SYNPR: variants seen among roughly 807,000 people sequenced by gnomAD.
SYNPR encodes synaptoporin.
A neutral mutation model predicts 32.9 loss-of-function variants in SYNPR; 23 were observed. The ratio of observed to expected loss-of-function variants is 0.70; its 90% CI spans 0.50 to 0.99. The LOEUF (loss-of-function observed/expected upper bound fraction) is 0.99. Among genes scored for constraint, SYNPR ranks in the 50% least tolerant of loss-of-function variants. SYNPR has a pLI of 0.00. For missense variants in SYNPR, 318 were observed against 349.3 expected, an observed-to-expected ratio of 0.91 and a Z score of 0.71; for synonymous variants, 146 against 135.9, an observed-to-expected ratio of 1.07 and a Z score of -0.52.
the SYNPR span, among the ~76,000 whole-genome samples, chr3:63,208,922 A>T: frequency 6.6e-6 from 1 of 152,172 alleles, no homozygotes; most frequent in African/African-American, 2.4e-5. Context: ...CAAAGGTTTG[A>T]CTATAGAAAT....
chr3:63,385,888 C>A (rs772633074), intron 2 of SYNPR, among the ~76,000 whole-genome samples: 19 of 152,162 alleles, frequency 1.2e-4, no homozygotes, highest in African/African-American at 3.4e-4. Context: ...AATGGGGGTT[C>A]TAACCTCAGA....
intron 3 of SYNPR, among the ~76,000 whole-genome samples, chr3:63,514,423 T>G (rs1197884184): frequency 1.3e-5 from 2 of 152,200 alleles, no homozygotes; most frequent in Non-Finnish European, 2.9e-5. Flanking sequence ...CTCTGCCTGT[T>G]GTCCCTGCTG....
chr3:63,353,822 G>A (rs903210109), intron 2 of SYNPR, among the ~76,000 whole-genome samples: 1 of 152,138 alleles, frequency 6.6e-6, no homozygotes, highest in Non-Finnish European at 1.5e-5. Flanking sequence ...TCCAATTTTT[G>A]TGTGAATTTT....
intron 3 of SYNPR, among the ~76,000 whole-genome samples, chr3:63,500,642 A>T (rs1701461470): frequency 6.6e-6 from 1 of 152,182 alleles, no homozygotes; most frequent in African/African-American, 2.4e-5. Flanking sequence ...GGCATTTTAA[A>T]ACCAAAAAGA....
At chr3:63,449,819 T>C (rs1204985492) in intron 2 of SYNPR, among the ~76,000 whole-genome samples, 1 of 152,186 alleles carries the variant, frequency 6.6e-6, no homozygotes, top group Non-Finnish European at 1.5e-5. Context: ...GCTTACATTA[T>C]CTCATTTGAT....
Position 63,293,860 on chromosome 3 carries a change from C to T in SYNPR, c.84+15118C>T, listed in dbSNP as rs191962025. Among the ~76,000 whole-genome samples the T allele has an allele frequency of 6.3e-4, 96 of 152,216 alleles. 1 individual carries two copies. The highest frequency in any genetic ancestry group is 5.8e-3 in the South Asian group (28 of 4,824). On this transcript the variant is annotated intron_variant, in intron 2 of 5. Transcript: ENST00000478300. The stretch of plus-strand genomic sequence containing the variant: ...CATATTGAATTAGGGGCCCACTCCA[C>T]TCTAATATGACCTCATCTTAACTAA...
intron 2 of SYNPR, among the ~76,000 whole-genome samples, chr3:63,338,828 C>T (rs931316854): frequency 1.3e-5 from 2 of 152,214 alleles, no homozygotes; most frequent in African/African-American, 4.8e-5. Flanking sequence ...CAGAATCCAG[C>T]AATCCCAACA....
At chr3:63,433,744 C>G (rs978175656) in intron 2 of SYNPR, among the ~76,000 whole-genome samples, 1 of 152,048 alleles carries the variant, frequency 6.6e-6, no homozygotes, top group African/African-American at 2.4e-5. Context: ...AGAAGCCTCA[C>G]CCAGATAGGA....
At position 63,480,768 on chromosome 3, in the gene SYNPR, T is replaced by G. The variant is rs1701031212; in HGVS notation, c.85-64T>G. On this transcript the variant is annotated intron_variant, in intron 2 of 5. Transcript: ENST00000478300. ...AATCCAGACATTAAGCTCCTTTTGA[T>G]ATATCTCATTAGAGCAACATCATCC... is the stretch of plus-strand genomic sequence containing the variant. 7 of 1,573,672 alleles carry G rather than the reference T, an allele frequency of 4.4e-6. No homozygotes were observed. The Admixed American group carries it at 1.2e-4, about 27-fold the overall frequency.
At chr3:63,343,867 C>A (rs2087402032) in intron 2 of SYNPR, among the ~76,000 whole-genome samples, 1 of 152,206 alleles carries the variant, frequency 6.6e-6, no homozygotes, top group Non-Finnish European at 1.5e-5. Flanking sequence ...AGGCTCCTGG[C>A]AGAAATCCAA....
intron 2 of SYNPR, among the ~76,000 whole-genome samples, chr3:63,316,751 G>A (rs1401570010): frequency 6.6e-6 from 1 of 151,750 alleles, no homozygotes; most frequent in Non-Finnish European, 1.5e-5. Flanking sequence ...TCTGATCTTG[G>A]TAATTTCCTT....
chr3:63,609,016 G>A, intron 4 of SYNPR, 109 bp from the exon 5 acceptor site: 1 of 1,004,372 alleles, frequency 1.0e-6, no homozygotes. Context: ...AGTGCTATGG[G>A]ATCTTAAAAT....
intron 3 of SYNPR, among the ~76,000 whole-genome samples, chr3:63,269,660 T>C (rs2086517344): frequency 6.6e-6 from 1 of 152,202 alleles, no homozygotes; most frequent in South Asian, 2.1e-4. Context: ...TGTAAGGACA[T>C]TCTGTACCAC....
the SYNPR span, among the ~76,000 whole-genome samples, chr3:63,219,303 A>G: frequency 6.6e-6 from 1 of 152,206 alleles, no homozygotes; most frequent in Non-Finnish European, 1.5e-5. Context: ...CAAGAAACGG[A>G]AAGTTGGCCA....
At chr3:63,289,367 C>G (rs893884457) in intron 2 of SYNPR, 3 of 153,746 alleles carry the variant, frequency 2.0e-5, no homozygotes, top group African/African-American at 7.2e-5. Context: ...TGGTTCATGG[C>G]TCTGCAGGCT....
chr3:63,271,170 C>T (rs1178984275), intron 3 of SYNPR, among the ~76,000 whole-genome samples: 1 of 152,138 alleles, frequency 6.6e-6, no homozygotes, highest in Admixed American at 6.6e-5. Context: ...TGTAAAACTG[C>T]AGTGCAATAT....
chr3:63,539,960 G>T (rs1370736523), intron 3 of SYNPR, among the ~76,000 whole-genome samples: 2 of 152,120 alleles, frequency 1.3e-5, no homozygotes, highest in Non-Finnish European at 2.9e-5. Flanking sequence ...AGCTGTGCCT[G>T]CTTGCAGCAT....
chr3:63,268,186 C>G (rs2086506903), intron 3 of SYNPR, among the ~76,000 whole-genome samples: 1 of 152,122 alleles, frequency 6.6e-6, no homozygotes, highest in Non-Finnish European at 1.5e-5. Flanking sequence ...TGATTACATG[C>G]CATCCAGACA....
chr3:63,344,179 G>A (rs555617644), intron 2 of SYNPR, among the ~76,000 whole-genome samples: 66 of 152,264 alleles, frequency 4.3e-4, no homozygotes, highest in Non-Finnish European at 7.8e-4. Context: ...TCAGCAGAAT[G>A]TGCTTATAAT....
Sources: allele counts gnomAD v4.1 joint callset (sites outside exome capture counted in the v4.1 genomes callset), GRCh38; gene constraint gnomAD v4.1.1; transcripts MANE v1.5; gene names NCBI Gene and HGNC (gene_info 2026-07-23, HGNC 2026-07-21).